Variants in PCDHGA4 observed in about 807,000 individuals in gnomAD.
The protein encoded by PCDHGA4 is protocadherin gamma-A4.
Under a neutral mutation model 54.6 loss-of-function variants are expected in PCDHGA4, and 38 were observed. That is an observed-to-expected ratio of 0.70 (90% confidence interval 0.54 to 0.91). The LOEUF (loss-of-function observed/expected upper bound fraction) is 0.91, where lower values mean the gene tolerates loss of function less well. Ranked by LOEUF, PCDHGA4 falls within the 40% of genes least tolerant of loss-of-function variation. The pLI, the probability that PCDHGA4 is intolerant of heterozygous loss-of-function variation, is 0.00. For synonymous variants in PCDHGA4, 511 were observed against 512.9 expected (o/e 1.00, Z 0.05); for missense variants, 1,298 against 1,220.9 (o/e 1.06, Z -0.94).
intron 1 of PCDHGA4, chr5:141,411,407 A>G (rs2154543610): frequency 6.6e-6 from 1 of 151,868 alleles, no homozygotes; most frequent in East Asian, 1.9e-4. Context: ...CCCCATCTCT[A>G]CTAAAACAAC....
At chr5:141,363,277 T>G (rs1254714580) in intron 1 of PCDHGA4, among the ~76,000 whole-genome samples, 3 of 152,270 alleles carry the variant, frequency 2.0e-5, no homozygotes, top group African/African-American at 7.2e-5. Context: ...GCTTTTGAAT[T>G]TCCTAATTAT....
chr5:141,482,736 C>T (rs897817817), intron 1 of PCDHGA4, among the ~76,000 whole-genome samples: 6 of 152,056 alleles, frequency 3.9e-5, no homozygotes, highest in African/African-American at 1.2e-4. Context: ...GCAAGAAATT[C>T]CATGCAGAGG....
intron 1 of PCDHGA4, chr5:141,372,525 A>G: frequency 6.2e-7 from 1 of 1,613,804 alleles, no homozygotes; most frequent in South Asian, 1.1e-5. Flanking sequence ...GATTCTGGCA[A>G]TCTCCCTGCG....
At chr5:141,383,731 A>C (rs373290954) in intron 1 of PCDHGA4, 4 of 1,613,882 alleles carry the variant, frequency 2.5e-6, no homozygotes, top group Non-Finnish European at 3.4e-6. Context: ...TGGGGAAGTG[A>C]CATATTCTTT....
intron 1 of PCDHGA4, chr5:141,409,175 G>A: frequency 5.0e-6 from 8 of 1,614,008 alleles, no homozygotes; most frequent in Non-Finnish European, 6.8e-6. Flanking sequence ...GAAGGACGGA[G>A]GTGGTCTCTC....
intron 1 of PCDHGA4, chr5:141,376,012 G>A: frequency 6.2e-7 from 1 of 1,613,402 alleles, no homozygotes; most frequent in Non-Finnish European, 8.5e-7. Flanking sequence ...AGAGCCTAGT[G>A]GTGGCCGTCC....
At chr5:141,428,100 G>A (rs1313410784) in intron 1 of PCDHGA4, 6 of 1,608,582 alleles carry the variant, frequency 3.7e-6, no homozygotes, top group East Asian at 2.2e-5. Context: ...GTCCTACCAC[G>A]TGCTGCAGGC....
intron 1 of PCDHGA4, among the ~76,000 whole-genome samples, chr5:141,449,345 T>C (rs2154562594): frequency 1.3e-5 from 2 of 151,644 alleles, no homozygotes; most frequent in South Asian, 4.2e-4. Context: ...AGTGGCTCAC[T>C]CCTGTAATCC....
chr5:141,367,651 T>C (rs1205375044), intron 1 of PCDHGA4: 1 of 152,174 alleles, frequency 6.6e-6, no homozygotes, highest in Non-Finnish European at 1.5e-5. Context: ...TTAAGCCATG[T>C]AGTTATTGGA....
At chr5:141,452,554 G>A (rs2098744143) in intron 1 of PCDHGA4, among the ~76,000 whole-genome samples, 1 of 152,140 alleles carries the variant, frequency 6.6e-6, no homozygotes, top group Admixed American at 6.5e-5. Context: ...TCCAGTTCTG[G>A]TTCTTCCTAG....
chr5:141,385,256 A>G lies in PCDHGA4; in HGVS notation c.2514+27635A>G, dbSNP rs779090806. On this transcript the variant is annotated intron_variant, in intron 1 of 3. Transcript: ENST00000571252. Reference sequence around the variant, plus strand: ...ATGCTCATCAGCCAGGAGAGCTGTGAGAAAAATGATTCTTTGCTAACATCC... The same window carrying G: ...ATGCTCATCAGCCAGGAGAGCTGTGGGAAAAATGATTCTTTGCTAACATCC... 7 of 1,613,794 alleles carry G rather than the reference A, an allele frequency of 4.3e-6. No homozygotes were observed. In the Admixed American group the frequency reaches 1.0e-4, roughly 23 times the overall value.
chr5:141,472,132 A>C (rs1004365239), intron 1 of PCDHGA4, among the ~76,000 whole-genome samples: 3 of 152,272 alleles, frequency 2.0e-5, no homozygotes, highest in African/African-American at 7.2e-5. Flanking sequence ...GAGAAGTTAA[A>C]AATAAAAGTT....
intron 1 of PCDHGA4, chr5:141,404,202 AAT>A: frequency 6.2e-7 from 1 of 1,613,738 alleles, no homozygotes; most frequent in Non-Finnish European, 8.5e-7. Context: ...AAAGCCTCAG[AAT>A]ATAATATCAC....
At chr5:141,381,826 C>CTTCTTTTTTTTTTTTTTT (rs1777532522) in intron 1 of PCDHGA4, among the ~76,000 whole-genome samples, 1 of 74,284 alleles carries the variant, frequency 1.3e-5, no homozygotes, top group African/African-American at 6.2e-5. Flanking sequence ...CTTTCTTCTT[C>CTTCTTTTTTTTTTTTTTT]TTTTTTTTTT....
intron 1 of PCDHGA4, chr5:141,371,830 C>A: frequency 6.2e-7 from 1 of 1,613,814 alleles, no homozygotes. Flanking sequence ...GCCTCGGATC[C>A]CGACTTGGGA....
chr5:141,455,037 C>T (rs1251627513), intron 1 of PCDHGA4, among the ~76,000 whole-genome samples: 1 of 151,744 alleles, frequency 6.6e-6, no homozygotes, highest in Non-Finnish European at 1.5e-5. Flanking sequence ...TGGTCTCGAT[C>T]TCCTGACCTC....
intron 1 of PCDHGA4, chr5:141,400,093 C>G (rs1225718379): frequency 1.2e-6 from 2 of 1,614,094 alleles, no homozygotes; most frequent in Non-Finnish European, 1.7e-6. Context: ...CACCGCCACG[C>G]TGCACTTGGT....
intron 1 of PCDHGA4, chr5:141,439,888 A>G (rs2098137228): frequency 6.6e-6 from 1 of 152,384 alleles, no homozygotes. Context: ...TCTGGGTAGA[A>G]CCAAGGCGAC....
Position 141,355,361 on chromosome 5 carries a change from T to A in PCDHGA4, c.254T>A (p.Leu85Ter), listed in dbSNP as rs1759813020. Residue 85 changes from leucine (L) to a stop codon, truncating the protein, a stop_gained, in exon 1 of 4, where the codon TTG (leucine) becomes TAG (stop). Coordinates refer to ENST00000571252, the MANE Select transcript of PCDHGA4 (RefSeq NM_018917.4). LOFTEE classifies it high-confidence loss of function. ...VVGNIAKDLG[L>*]APRELAERGV... The stretch of plus-strand genomic sequence containing the variant: ...GGCAACATCGCCAAGGACCTGGGGT[T>A]GGCGCCCCGGGAGCTGGCGGAGCGC... The A allele has an allele frequency of 6.2e-7, 1 of 1,613,902 alleles. No individual in the cohort carries two copies. Among genetic ancestry groups the A allele is most frequent in the African/African-American group, 1.3e-5 (1 of 74,946 alleles).
Sources: allele counts gnomAD v4.1 joint callset (sites outside exome capture counted in the v4.1 genomes callset), GRCh38; gene constraint gnomAD v4.1.1; transcripts MANE v1.5; gene names NCBI Gene and HGNC (gene_info 2026-07-23, HGNC 2026-07-21).